Variants in DNMT1 observed in about 807,000 individuals in gnomAD.
DNMT1 encodes the protein DNA (cytosine-5)-methyltransferase 1.
In DNMT1, 24 loss-of-function variants were observed where a neutral mutation model predicts 205.3. The observed-to-expected ratio is 0.12, with a 90% CI of 0.08 to 0.16. DNMT1 has a LOEUF of 0.16. Among genes scored for constraint, DNMT1 ranks in the 10% least tolerant of loss-of-function variants. The pLI is 1.00. For missense variants in DNMT1, 1,293 were observed against 2,177.7 expected, an observed-to-expected ratio of 0.59 and a Z score of 8.09; for synonymous variants, 817 against 839.8, an observed-to-expected ratio of 0.97 and a Z score of 0.47.
chr19:10,185,838 C>T (rs567720123), intron 1 of DNMT1, among the ~76,000 whole-genome samples: 4 of 83,678 alleles, frequency 4.8e-5, no homozygotes, highest in African/African-American at 1.8e-4. Flanking sequence ...GACCCTGTCT[C>T]AAAAGAAAAA....
chr19:10,182,082 G>A lies in DNMT1; in HGVS notation c.81-5C>T. 6.2e-7 allele frequency: 1 copy of A among 1,613,354 alleles called. No homozygotes were observed. The highest frequency in any genetic ancestry group is 8.5e-7 in the Non-Finnish European group (1 of 1,179,480). The stretch of plus-strand genomic sequence containing the variant: ...TCTCTTTCCAAATCTTTGAGCCTGG[G>A]AGGAAGAAATAGGGGAGAAAATACA... On this transcript the variant is annotated splice_polypyrimidine_tract_variant and splice_region_variant and intron_variant, in intron 1 of 40. Transcript: ENST00000359526.
At position 10,152,136 on chromosome 19, in the gene DNMT1, G is replaced by T. The variant is rs116799873; in HGVS notation, c.2020-289C>A. 0.017 allele frequency among the ~76,000 whole-genome samples: 1,711 copies of T among 97,966 alleles called. 51 individuals carry two copies. The highest frequency in any genetic ancestry group is 0.069 in the African/African-American group (1,637 of 23,870). The allele number at this position is 97,966 out of a possible 152,430, so 64.3% of individuals were successfully genotyped here. ...GATCACACCACCATATTCCAGCCTG[G>T]ACGACAAGAGTAAAACTCCATCTCA... On this transcript the variant is annotated intron_variant, in intron 22 of 40. Transcript: ENST00000359526.
chr19:10,167,849 C>G (rs1217341873), intron 10 of DNMT1, among the ~76,000 whole-genome samples: 1 of 151,986 alleles, frequency 6.6e-6, no homozygotes, highest in African/African-American at 2.4e-5. Flanking sequence ...GAGGAGAAAT[C>G]GAAGCTAACT....
chr19:10,135,486 C>A (rs186711992), intron 39 of DNMT1: 46 of 539,696 alleles, frequency 8.5e-5, no homozygotes, highest in Non-Finnish European at 1.4e-4. Context: ...TCCTTTAGCG[C>A]GACGGACTGT....
chr19:10,142,057 C>A lies in DNMT1; in HGVS notation c.3280G>T (p.Gly1094Cys), dbSNP rs950686369. ...LPECVQVYSM[G>C]GPNRFYFLEA... ...AGGAAGTAGAAGCGGTTGGGGCCGC[C>A]CATGGAGTACACCTGGACGCACTCG... The change falls in exon 30 of 41, where the codon GGC (glycine) becomes TGC (cysteine). Residue 1094 changes from glycine (G) to cysteine (C), a missense_variant. Physicochemically the swap from Gly to Cys is radical, Grantham distance 159. Coordinates refer to ENST00000359526, the MANE Select transcript of DNMT1 (RefSeq NM_001130823.3). 1 of 1,612,022 alleles carries A rather than the reference C, an allele frequency of 6.2e-7. No individual in the cohort carries two copies. The highest frequency in any genetic ancestry group is 1.7e-5 in the Admixed American group (1 of 59,982).
At position 10,139,709 on chromosome 19, in the gene DNMT1, G is replaced by T. The variant is rs760372702; in HGVS notation, c.3915C>A (p.Arg1305=). ...VLKLTLRCLV[R]MGYQCTFGVL... ...CGCCGAAGGTGCACTGATAGCCCAT[G>T]CGGACCAGGCAGCGGAGGGTGAGCT... is the stretch of plus-strand genomic sequence containing the variant. Residue 1305 remains arginine (R), a synonymous_variant, in exon 34 of 41, where the codon CGC becomes CGA. Coordinates refer to ENST00000359526, the MANE Select transcript of DNMT1 (RefSeq NM_001130823.3). 1.2e-6 allele frequency: 2 copies of T among 1,613,762 alleles called. No individual in the cohort carries two copies. Among genetic ancestry groups the T allele is most frequent in the Non-Finnish European group, 1.7e-6 (2 of 1,179,994 alleles).
chr19:10,154,667 C>G lies in DNMT1; in HGVS notation c.1751G>C (p.Gly584Ala). ...GAAGATGGGCTGCTCATCACTGTCCCCGGCCTCGTCATAACTCTCCACCTG... is the reference window on the plus strand; with the variant it reads ...GAAGATGGGCTGCTCATCACTGTCCGCGGCCTCGTCATAACTCTCCACCTG... Reference protein sequence around the residue: ...VEQVESYDEAGDSDEQPIFLT... With the variant: ...VEQVESYDEAADSDEQPIFLT... The change falls in exon 21 of 41, where the codon GGG becomes GCG. Residue 584 changes from glycine (G) to alanine (A), a missense_variant. Physicochemically the swap from Gly to Ala is moderately conservative, Grantham distance 60. Around this residue, in one of 13 missense-constraint regions of DNMT1, gnomAD observed 120 missense variants for 315.9 expected, o/e 0.38. Transcript: ENST00000359526. This position sits in a 1 kb window ranked among gnomAD's most constrained non-coding sequence, Gnocchi z 6.3. 1 of 1,614,208 alleles carries G rather than the reference C, an allele frequency of 6.2e-7. No individual in the cohort carries two copies. The highest frequency in any genetic ancestry group is 8.5e-7 in the Non-Finnish European group (1 of 1,180,036).
Position 10,160,073 on chromosome 19 carries a change from A to C in DNMT1, c.1044-10T>G, listed in dbSNP as rs761865657. The stretch of plus-strand genomic sequence containing the variant: ...CATTTTTTTCTCCGTTCTGGGGGAA[A>C]AAAAAAAATCACAAGATCGTTTGTT... On this transcript the variant is annotated splice_polypyrimidine_tract_variant and intron_variant, in intron 14 of 40. Coordinates refer to ENST00000359526, the MANE Select transcript of DNMT1 (RefSeq NM_001130823.3). 1 of 1,555,458 alleles carries C rather than the reference A, an allele frequency of 6.4e-7. No homozygotes were observed. The highest frequency in any genetic ancestry group is 8.6e-7 in the Non-Finnish European group (1 of 1,160,626).
chr19:10,143,735 G>A (rs770851418), intron 29 of DNMT1, 31 bp downstream of exon 29: 8 of 1,611,730 alleles, frequency 5.0e-6, no homozygotes, highest in Non-Finnish European at 5.1e-6. Flanking sequence ...AGAGTCTGTG[G>A]CCTCGTGGAA....
Position 10,133,466 on chromosome 19 carries a change from C to A in DNMT1, c.*201G>T. The A allele has an allele frequency of 3.2e-6, 2 of 619,828 alleles. No homozygotes were observed. Among genetic ancestry groups the A allele is most frequent in the Non-Finnish European group, 5.7e-6 (2 of 353,036 alleles). 38.4% of individuals were successfully genotyped at this position (619,828 alleles called of 1,614,324 possible). A position where few individuals can be genotyped will look rare whatever the true frequency, so the allele number is the denominator to read the frequency against. On this transcript the variant is annotated 3_prime_UTR_variant, in exon 41 of 41. Coordinates refer to ENST00000359526, the MANE Select transcript of DNMT1 (RefSeq NM_001130823.3). This position sits in a 1 kb window ranked among gnomAD's most constrained non-coding sequence, Gnocchi z 4.1. ...ATGCATAATAAAAAACTTTTAAAAT[C>A]CAGAATGCACAAAGTACTGCACAAT...
Position 10,150,485 on chromosome 19 carries a change from TCCTCCCAGCCC to T in DNMT1, c.2266-528_2266-518del, listed in dbSNP as rs559737870. ...TCTGCAAGGCCTCGTGGCCCCAGCC[TCCTCCCAGCCC>T]CCTACCCTGCAGAGGCACTCATGCC... On this transcript the variant is annotated intron_variant, in intron 24 of 40. Coordinates refer to ENST00000359526, the MANE Select transcript of DNMT1 (RefSeq NM_001130823.3). Among the ~76,000 whole-genome samples the T allele has an allele frequency of 8.5e-5, 13 of 152,226 alleles. No individual in the cohort carries two copies. The South Asian group carries it at 2.1e-3, about 24-fold the overall frequency.
intron 28 of DNMT1, chr19:10,144,407 C>CAAA: frequency 4.7e-6 from 1 of 211,582 alleles, no homozygotes; most frequent in African/African-American, 2.3e-5. Context: ...GACTCCATCT[C>CAAA]ACAGAAAAAA....
intron 11 of DNMT1, among the ~76,000 whole-genome samples, chr19:10,165,021 G>C (rs1462417635): frequency 1.3e-5 from 2 of 150,090 alleles, no homozygotes; most frequent in Non-Finnish European, 3.0e-5. Context: ...CGCCACTTTG[G>C]GGGACTGAGA....
Position 10,141,539 on chromosome 19 carries a change from G to T in DNMT1, c.3310-350C>A, listed in dbSNP as rs113144118. On this transcript the variant is annotated intron_variant, in intron 30 of 40. Transcript: ENST00000359526. ...CGTTTTAAGGTAACAACACGGAAAG[G>T]CCAAGCCCCAACAATTTACAAGTCA... 6.5e-4 allele frequency: 242 copies of T among 372,818 alleles called. 3 individuals carry two copies. Among genetic ancestry groups the T allele is most frequent in the South Asian group, 5.2e-3 (225 of 43,090 alleles). 23.1% of individuals were successfully genotyped at this position (372,818 alleles called of 1,614,324 possible).
intron 1 of DNMT1, among the ~76,000 whole-genome samples, chr19:10,185,296 G>A (rs1037678210): frequency 6.6e-6 from 1 of 151,916 alleles, no homozygotes; most frequent in Non-Finnish European, 1.5e-5. Flanking sequence ...GTGGTGGTGG[G>A]CGCCTGTAGT....
intron 9 of DNMT1, among the ~76,000 whole-genome samples, chr19:10,168,909 C>T (rs980850687): frequency 1.1e-4 from 16 of 152,316 alleles, no homozygotes; most frequent in African/African-American, 3.8e-4. Context: ...GTACTCTTGG[C>T]TCACTGTAAC....
rs1423676896 is a variant in DNMT1 at position 10,170,436 on chromosome 19, C to T, written c.769-2072G>A. ...GGTGGATCACCTGGGGTCAGGAGTT[C>T]GAGACCAGCCTAGCCAACATGGTGA... On this transcript the variant is annotated intron_variant, in intron 9 of 40. Coordinates refer to ENST00000359526, the MANE Select transcript of DNMT1 (RefSeq NM_001130823.3). Among the ~76,000 whole-genome samples the T allele has an allele frequency of 3.9e-5, 6 of 152,060 alleles. No individual in the cohort carries two copies. In the East Asian group the frequency reaches 1.2e-3, roughly 29 times the overall value.
At chr19:10,169,534 G>C (rs2038769281) in intron 9 of DNMT1, among the ~76,000 whole-genome samples, 1 of 151,870 alleles carries the variant, frequency 6.6e-6, no homozygotes, top group African/African-American at 2.4e-5. Flanking sequence ...TCCAGCCTGG[G>C]CGACAAGAGC....
Position 10,173,739 on chromosome 19 carries a change from A to G in DNMT1, c.683+132T>C, listed in dbSNP as rs3745270. ...ACTCCTGACCTCAAGTGATTCGCCC[A>G]TCTTGGCCTCCCAAAGTGCTGAGAT... is the stretch of plus-strand genomic sequence containing the variant. On this transcript the variant is annotated intron_variant, in intron 8 of 40. Transcript: ENST00000359526. 0.12 allele frequency: 108,956 copies of G among 936,690 alleles called. 10,256 individuals carry two copies. Among genetic ancestry groups the G allele is most frequent in the East Asian group, 0.41 (16,027 of 39,134 alleles). 58.0% of individuals were successfully genotyped at this position (936,690 alleles called of 1,614,324 possible).
Sources: gnomAD v4.1 joint callset for allele counts (sites outside exome capture counted in the v4.1 genomes callset) on GRCh38, gnomAD v4.1.1 for gene constraint, gnomAD v4.1.1 regional missense constraint, Gnocchi (gnomAD v3.1) non-coding constraint, MANE v1.5 for transcripts, NCBI Gene and HGNC (gene_info 2026-07-23, HGNC 2026-07-21) for gene names.